Variants in ADAM9 observed in about 807,000 individuals in gnomAD.
The protein encoded by ADAM9 is ADAM metallopeptidase domain 9, also known as disintegrin and metalloproteinase domain-containing protein 9.
A neutral mutation model predicts 108.1 loss-of-function variants in ADAM9; 54 were observed. The ratio of observed to expected loss-of-function variants is 0.50; its 90% CI spans 0.40 to 0.63. The LOEUF is 0.63. Ranked by LOEUF, ADAM9 falls within the 20% of genes least tolerant of loss-of-function variation. The pLI, the probability that ADAM9 is intolerant of heterozygous loss-of-function variation, is 0.00. For synonymous variants in ADAM9, 316 were observed against 336.0 expected (o/e 0.94, Z 0.65); for missense variants, 830 against 997.7 (o/e 0.83, Z 2.26).
At chr8:39,046,427 T>G (rs1219977702) in intron 12 of ADAM9, among the ~76,000 whole-genome samples, 1 of 152,194 alleles carries the variant, frequency 6.6e-6, no homozygotes, top group Non-Finnish European at 1.5e-5. Flanking sequence ...ACAGTTTTGC[T>G]TCATTTCCGA....
intron 11 of ADAM9, among the ~76,000 whole-genome samples, chr8:39,038,666 G>C (rs546404710): frequency 6.6e-5 from 10 of 152,180 alleles, no homozygotes; most frequent in Admixed American, 1.3e-4. Context: ...GCACCAAGAA[G>C]AATGCCTTGT....
At chr8:39,003,181 A>G (rs1050519715) in intron 1 of ADAM9, among the ~76,000 whole-genome samples, 1 of 152,232 alleles carries the variant, frequency 6.6e-6, no homozygotes, top group Non-Finnish European at 1.5e-5. Context: ...AGGGAAAGAA[A>G]GTTATATGTA....
chr8:39,091,467 G>A, intron 20 of ADAM9, 121 bp downstream of exon 20: 1 of 920,860 alleles, frequency 1.1e-6, no homozygotes, highest in Non-Finnish European at 1.7e-6. Context: ...GAATTCAAGA[G>A]TATTGTAGGT....
chr8:39,052,589 A>C (rs1289867939), intron 12 of ADAM9, among the ~76,000 whole-genome samples: 1 of 152,082 alleles, frequency 6.6e-6, no homozygotes, highest in East Asian at 1.9e-4. Flanking sequence ...TTTAAATTTA[A>C]AATTTTTATG....
intron 11 of ADAM9, among the ~76,000 whole-genome samples, chr8:39,033,715 A>G (rs1036968126): frequency 2.0e-5 from 3 of 152,174 alleles, no homozygotes; most frequent in Non-Finnish European, 2.9e-5. Flanking sequence ...TAATACGTCA[A>G]TTGTAATCTG....
chr8:39,046,422 T>TCCC (rs1837776242), intron 12 of ADAM9, among the ~76,000 whole-genome samples: 4 of 152,188 alleles, frequency 2.6e-5, no homozygotes, highest in Non-Finnish European at 5.9e-5. Flanking sequence ...GAGGGACAGT[T>TCCC]TTGCTTCATT....
At chr8:39,019,697 T>G (rs1836670260) in intron 7 of ADAM9, among the ~76,000 whole-genome samples, 1 of 152,252 alleles carries the variant, frequency 6.6e-6, no homozygotes, top group Non-Finnish European at 1.5e-5. Flanking sequence ...TGTGGAAACT[T>G]ACTATGATTG....
Position 39,016,188 on chromosome 8 carries a change from GACT to G in ADAM9, c.405_407del (p.Leu136del). The G allele has an allele frequency of 6.2e-7, 1 of 1,613,390 alleles. No individual in the cohort carries two copies. Among genetic ancestry groups the G allele is most frequent in the Non-Finnish European group, 8.5e-7 (1 of 1,179,476 alleles). ...TCCATTGCTCTTAGCGACTGTTTTG[GACT>G]CAGGTAAGCAATTTCCTTTATCTTC... On this transcript the variant is annotated inframe_deletion, in exon 5 of 22. Transcript: ENST00000487273.
In ADAM9 at chr8:39,018,621, C is replaced by G. The variant is rs192752224; in HGVS notation, c.607-232C>G. The G allele has an allele frequency of 1.0e-4, 55 of 545,514 alleles. No individual in the cohort carries two copies. In the East Asian group the frequency reaches 1.7e-3, roughly 17 times the overall value. 33.8% of individuals were successfully genotyped at this position (545,514 alleles called of 1,614,324 possible). On this transcript the variant is annotated intron_variant, in intron 6 of 21. Coordinates refer to ENST00000487273, the MANE Select transcript of ADAM9 (RefSeq NM_003816.3). ...CACTTCAAAAACATTTTTTTCCCCT[C>G]AGACATAGTTTATCATCACTTAAAG...
At chr8:39,045,726 T>C (rs917897531) in intron 12 of ADAM9, among the ~76,000 whole-genome samples, 1 of 152,122 alleles carries the variant, frequency 6.6e-6, no homozygotes, top group African/African-American at 2.4e-5. Context: ...TCTGGGTAGA[T>C]ACCCAGTAGT....
In ADAM9 at chr8:39,042,090, G is replaced by A. The variant is rs537518143; in HGVS notation, c.1275G>A (p.Gly425=). The A allele has an allele frequency of 6.2e-7, 1 of 1,614,010 alleles. No individual in the cohort carries two copies. The highest frequency in any genetic ancestry group is 8.5e-7 in the Non-Finnish European group (1 of 1,179,886). Residue 425 remains glycine, a synonymous_variant, in exon 12 of 22, where the codon GGG becomes GGA. Transcript: ENST00000487273. ...GTGGTAATAAGTTGGTGGACGCTGGGGAAGAGTGTGACTGTGGTACTCCAA... is the reference window on the plus strand; with the variant it reads ...GTGGTAATAAGTTGGTGGACGCTGGAGAAGAGTGTGACTGTGGTACTCCAA... The part of the protein sequence containing the change: ...PSCGNKLVDA[G]EECDCGTPKE...
chr8:39,087,115 C>T (rs938802291), intron 18 of ADAM9, among the ~76,000 whole-genome samples: 11 of 152,216 alleles, frequency 7.2e-5, no homozygotes, highest in African/African-American at 2.7e-4. Context: ...AGCTGCCTTG[C>T]CCTCTTCAGA....
chr8:39,027,977 A>C (rs945944376), intron 11 of ADAM9, among the ~76,000 whole-genome samples: 8 of 152,126 alleles, frequency 5.3e-5, no homozygotes, highest in Middle Eastern at 3.2e-3. Flanking sequence ...AGTCCCAGCT[A>C]CTCAGGAGGT....
chr8:39,070,771 A>G (rs1250960726), intron 14 of ADAM9, among the ~76,000 whole-genome samples: 1 of 152,052 alleles, frequency 6.6e-6, no homozygotes, highest in African/African-American at 2.4e-5. Context: ...AAAAAAAAAA[A>G]AAAAGGGAAA....
At chr8:39,094,875 C>T (rs1839454156) in intron 20 of ADAM9, among the ~76,000 whole-genome samples, 1 of 151,780 alleles carries the variant, frequency 6.6e-6, no homozygotes, top group South Asian at 2.1e-4. Context: ...TTTATTGATT[C>T]TATTAATACT....
At chr8:39,017,578 G>A (rs143981979) in intron 6 of ADAM9, among the ~76,000 whole-genome samples, 164 bp downstream of exon 6, 132 of 152,176 alleles carry the variant, frequency 8.7e-4, no homozygotes, top group African/African-American at 3.1e-3. Context: ...AAAGATGAGC[G>A]ATATATAGTT....
At chr8:38,997,293 T>A in intron 1 of ADAM9, 133 bp downstream of exon 1, 1 of 1,064,230 alleles carries the variant, frequency 9.4e-7, no homozygotes, top group Non-Finnish European at 1.4e-6. Context: ...GCGCGGCCGC[T>A]CCAGGTGTGT....
At chr8:39,072,640 C>T (rs1838732787) in intron 15 of ADAM9, among the ~76,000 whole-genome samples, 1 of 152,216 alleles carries the variant, frequency 6.6e-6, no homozygotes, top group Non-Finnish European at 1.5e-5. Flanking sequence ...TCTGCACCTG[C>T]TGTTCCCTCT....
intron 2 of ADAM9, among the ~76,000 whole-genome samples, chr8:39,009,902 G>C (rs902927418): frequency 5.3e-5 from 5 of 94,356 alleles, no homozygotes; most frequent in East Asian, 3.8e-4. Context: ...TGATGGGGGG[G>C]GGGGGCAGGG....
Sources: allele counts gnomAD v4.1 joint callset (sites outside exome capture counted in the v4.1 genomes callset), GRCh38; gene constraint gnomAD v4.1.1; transcripts MANE v1.5; gene names NCBI Gene and HGNC (gene_info 2026-07-23, HGNC 2026-07-21).